ULK4: variants seen among roughly 807,000 people sequenced by gnomAD.
ULK4 encodes the protein inactive serine/threonine-protein kinase ULK4.
ULK4 carries 133 observed loss-of-function variants against 160.6 expected under a neutral mutation model. The ratio of observed to expected loss-of-function variants is 0.83; its 90% CI spans 0.72 to 0.96. The LOEUF (loss-of-function observed/expected upper bound fraction) is 0.96, where lower values mean the gene tolerates loss of function less well. ULK4 is among the 40% of genes least tolerant of loss of function. The probability of loss-of-function intolerance (pLI) is 0.00; values close to 1 mark genes in which losing one functional copy is unlikely to be tolerated. For missense variants in ULK4, 1,580 were observed against 1,499.5 expected, an observed-to-expected ratio of 1.05 and a Z score of -0.89; for synonymous variants, 534 against 539.8, an observed-to-expected ratio of 0.99 and a Z score of 0.15.
At chr3:41,828,321 A>G (rs2041443020) in intron 18 of ULK4, among the ~76,000 whole-genome samples, 1 of 149,558 alleles carries the variant, frequency 6.7e-6, no homozygotes, top group East Asian at 1.9e-4. Context: ...GGAGAAGGAA[A>G]TAAAGGGCAT....
chr3:41,748,274 C>T (rs925553966), intron 22 of ULK4, among the ~76,000 whole-genome samples: 2 of 150,328 alleles, frequency 1.3e-5, no homozygotes, highest in African/African-American at 2.4e-5. Context: ...TATACACACA[C>T]GATATATATT....
intron 32 of ULK4, among the ~76,000 whole-genome samples, chr3:41,477,716 A>C (rs1270215830): frequency 6.6e-6 from 1 of 152,240 alleles, no homozygotes; most frequent in Admixed American, 6.5e-5. Flanking sequence ...ACATACTGAC[A>C]GGTTATAAAT....
At chr3:41,342,770 C>G (rs1370981642) in intron 35 of ULK4, among the ~76,000 whole-genome samples, 2 of 152,246 alleles carry the variant, frequency 1.3e-5, no homozygotes, top group East Asian at 3.9e-4. Flanking sequence ...TGTAAAAATC[C>G]TCAATAAAAT....
chr3:41,814,636 T>A (rs2040912212), intron 19 of ULK4, among the ~76,000 whole-genome samples: 1 of 152,304 alleles, frequency 6.6e-6, no homozygotes, highest in Admixed American at 6.5e-5. Context: ...CATATTTTGC[T>A]TTCATGTATT....
In ULK4 at chr3:41,470,036, A is replaced by G. The variant is rs917997586; in HGVS notation, c.3227-6783T>C. On this transcript the variant is annotated intron_variant, in intron 32 of 36. Coordinates refer to ENST00000301831, the MANE Select transcript of ULK4 (RefSeq NM_017886.4). ...CAGAACAGAAAAAAAAAAAAAAAAA[A>G]AAAAAAAAAACAAAGTATTTTTAAA... Among the ~76,000 whole-genome samples the G allele has an allele frequency of 4.7e-5, 7 of 148,820 alleles. No homozygotes were observed. The South Asian group carries it at 1.1e-3, about 22-fold the overall frequency.
intron 32 of ULK4, among the ~76,000 whole-genome samples, chr3:41,483,741 T>C (rs1049278082): frequency 1.4e-4 from 22 of 152,192 alleles, no homozygotes; most frequent in African/African-American, 5.1e-4. Context: ...GCAAATGTGA[T>C]TAAGCTAAGA....
chr3:41,912,205 A>C (rs1698813457), intron 9 of ULK4, among the ~76,000 whole-genome samples: 1 of 151,812 alleles, frequency 6.6e-6, no homozygotes, highest in Non-Finnish European at 1.5e-5. Context: ...GCACACACCT[A>C]TAGTCTCAGC....
intron 21 of ULK4, among the ~76,000 whole-genome samples, chr3:41,767,746 G>C (rs57638657): frequency 0.12 from 18,842 of 152,086 alleles, 1,344 homozygotes; most frequent in Middle Eastern, 0.27. Flanking sequence ...TGGTAGGAAA[G>C]TATGTATTCA....
rs190817663 is a variant in ULK4 at position 41,478,149 on chromosome 3, T to C, written c.3227-14896A>G. ...CCATGGGTCTAAGCTCCAGGGCCCA[T>C]GGGAGTTTAACCTTCTCTAGTCAGG... On this transcript the variant is annotated intron_variant, in intron 32 of 36. Transcript: ENST00000301831. Among the ~76,000 whole-genome samples, 34 of 152,300 alleles carry C rather than the reference T, an allele frequency of 2.2e-4. No individual in the cohort carries two copies. The East Asian group carries it at 6.0e-3, about 27-fold the overall frequency.
chr3:41,272,078 A>T (rs1357181644), intron 35 of ULK4, among the ~76,000 whole-genome samples: 1 of 151,936 alleles, frequency 6.6e-6, no homozygotes, highest in African/African-American at 2.4e-5. Flanking sequence ...CACAACACCC[A>T]GCTAACTTTT....
At chr3:41,555,012 C>T (rs76012228) in intron 32 of ULK4, among the ~76,000 whole-genome samples, 3,110 of 152,004 alleles carry the variant, frequency 0.02, 113 homozygotes, top group African/African-American at 0.072. Context: ...GTAAGGTATA[C>T]ATAAGGTAAT....
At chr3:41,614,496 G>C (rs1275951489) in intron 31 of ULK4, among the ~76,000 whole-genome samples, 1 of 152,194 alleles carries the variant, frequency 6.6e-6, no homozygotes, top group Non-Finnish European at 1.5e-5. Context: ...ATCTCCGTTA[G>C]AGAGCTCTTG....
At chr3:41,442,744 C>G (rs185590226) in intron 34 of ULK4, among the ~76,000 whole-genome samples, 52 of 152,166 alleles carry the variant, frequency 3.4e-4, no homozygotes, top group Admixed American at 1.6e-3. Flanking sequence ...CAGACATGAG[C>G]CACTGCACCT....
chr3:41,506,383 A>T (rs1575324966), intron 32 of ULK4, among the ~76,000 whole-genome samples: 2 of 150,922 alleles, frequency 1.3e-5, no homozygotes, highest in South Asian at 2.1e-4. Flanking sequence ...GGTTAGGCAG[A>T]TTTCCTAAGT....
At chr3:41,442,358 C>T (rs1258014504) in intron 34 of ULK4, among the ~76,000 whole-genome samples, 6 of 151,986 alleles carry the variant, frequency 3.9e-5, no homozygotes, top group South Asian at 2.1e-4. Context: ...ATCTGAAATA[C>T]GCAGATGATT....
At chr3:41,898,163 C>A (rs183470155) in intron 14 of ULK4, among the ~76,000 whole-genome samples, 4 of 152,144 alleles carry the variant, frequency 2.6e-5, no homozygotes, top group African/African-American at 9.7e-5. Flanking sequence ...GACCTCCCAC[C>A]CACTCTACAG....
At chr3:41,715,787 G>A (rs558678004) in intron 23 of ULK4, among the ~76,000 whole-genome samples, 2 of 151,976 alleles carry the variant, frequency 1.3e-5, no homozygotes, top group South Asian at 2.1e-4. Context: ...TAAACTTAAC[G>A]TCTCATTTGG....
chr3:41,536,993 CTG>C (rs1203359648), intron 32 of ULK4, among the ~76,000 whole-genome samples: 1 of 152,162 alleles, frequency 6.6e-6, no homozygotes, highest in Non-Finnish European at 1.5e-5. Context: ...TCTTGAGTAA[CTG>C]GAACCCTACT....
At chr3:41,519,995 T>A (rs2085878899) in intron 32 of ULK4, among the ~76,000 whole-genome samples, 1 of 152,206 alleles carries the variant, frequency 6.6e-6, no homozygotes, top group Admixed American at 6.5e-5. Context: ...ACCAGCAGAA[T>A]GTGAACAAAA....
Sources: gnomAD v4.1 joint callset for allele counts (sites outside exome capture counted in the v4.1 genomes callset) on GRCh38, gnomAD v4.1.1 for gene constraint, MANE v1.5 for transcripts, NCBI Gene and HGNC (gene_info 2026-07-23, HGNC 2026-07-21) for gene names.